Variants in CFAP299 observed in about 807,000 individuals in gnomAD.
The protein encoded by CFAP299 is cilia- and flagella-associated protein 299.
Under a neutral mutation model 27.0 loss-of-function variants are expected in CFAP299, and 21 were observed. The observed-to-expected ratio is 0.78, with a 90% CI of 0.55 to 1.12. The LOEUF is 1.12. Ranked by LOEUF, CFAP299 falls within the 50% of genes most tolerant of loss-of-function variation. The probability of loss-of-function intolerance (pLI) is 0.00; values close to 1 mark genes in which losing one functional copy is unlikely to be tolerated. For missense variants in CFAP299, 310 were observed against 276.6 expected, an observed-to-expected ratio of 1.12 and a Z score of -0.86; for synonymous variants, 104 against 98.1, an observed-to-expected ratio of 1.06 and a Z score of -0.36.
intron 2 of CFAP299, chr4:80,386,345 C>T (rs1388185923): frequency 2.7e-5 from 37 of 1,395,940 alleles, no homozygotes; most frequent in Non-Finnish European, 3.6e-5. Context: ...TGGAAAGCTC[C>T]GCGTTCAGCT....
rs1434016240 is a variant in CFAP299, at chr4:80,634,315, T to C, written c.333+51132T>C. On this transcript the variant is annotated intron_variant, in intron 3 of 5. Transcript: ENST00000358105. The stretch of plus-strand genomic sequence containing the variant: ...TCTTGAGGTAGCACAGCATGGTGGC[T>C]AAGAATGTATGTGCCAGAGCCACAA... 5.3e-5 allele frequency among the ~76,000 whole-genome samples: 8 copies of C among 152,238 alleles called. No individual in the cohort carries two copies. The East Asian group carries it at 1.5e-3, about 29-fold the overall frequency.
chr4:80,912,631 T>C (rs759740115), intron 4 of CFAP299, among the ~76,000 whole-genome samples: 5 of 152,178 alleles, frequency 3.3e-5, no homozygotes, highest in Admixed American at 1.3e-4. Context: ...CCCACGCGTA[T>C]GGCTCAAGCC....
At chr4:80,386,660 T>G in intron 2 of CFAP299, 1 of 1,590,696 alleles carries the variant, frequency 6.3e-7, no homozygotes, top group Non-Finnish European at 8.6e-7. Flanking sequence ...GGCGCGCAGG[T>G]GCTCGGCGAG....
chr4:80,863,383 G>T (rs1448796118), intron 3 of CFAP299, among the ~76,000 whole-genome samples: 1 of 152,084 alleles, frequency 6.6e-6, no homozygotes, highest in Non-Finnish European at 1.5e-5. Context: ...AGCAGCCAAA[G>T]ATCCAAATGA....
intron 4 of CFAP299, among the ~76,000 whole-genome samples, chr4:80,898,844 A>G (rs1234665969): frequency 6.6e-6 from 1 of 152,176 alleles, no homozygotes; most frequent in Non-Finnish European, 1.5e-5. Context: ...AAATAAAAGG[A>G]AGCCAATACT....
At chr4:80,823,768 A>AT (rs1310546511) in intron 3 of CFAP299, among the ~76,000 whole-genome samples, 3 of 152,154 alleles carry the variant, frequency 2.0e-5, no homozygotes, top group African/African-American at 7.2e-5. Context: ...TACTATCCTT[A>AT]TCCCCCTTTT....
At position 80,495,526 on chromosome 4, in the gene CFAP299, G is replaced by A. The variant is rs552420416; in HGVS notation, c.243-87567G>A. Among the ~76,000 whole-genome samples, 33 of 152,028 alleles carry A rather than the reference G, an allele frequency of 2.2e-4. 1 individual carries two copies. Among genetic ancestry groups the A allele is most frequent in the Non-Finnish European group, 2.9e-5 (2 of 68,008 alleles). On this transcript the variant is annotated intron_variant, in intron 2 of 5. Coordinates refer to ENST00000358105, the MANE Select transcript of CFAP299 (RefSeq NM_152770.3). ...TTTATTGTGATAAGTTTATCCGCAG[G>A]TGTAGTGGCTCACACCTATGATCTC...
intron 2 of CFAP299, among the ~76,000 whole-genome samples, chr4:80,545,713 A>G (rs1302966052): frequency 1.3e-5 from 2 of 152,190 alleles, no homozygotes; most frequent in Admixed American, 1.3e-4. Context: ...GCAAAAAATC[A>G]AGGAGGAGGG....
chr4:80,347,181 G>T (rs1722772729), intron 1 of CFAP299, among the ~76,000 whole-genome samples: 1 of 152,024 alleles, frequency 6.6e-6, no homozygotes, highest in Non-Finnish European at 1.5e-5. Flanking sequence ...GGACTGAGAC[G>T]ATGGGGTTTT....
At chr4:80,465,334 G>C (rs1729649568) in intron 2 of CFAP299, among the ~76,000 whole-genome samples, 1 of 152,170 alleles carries the variant, frequency 6.6e-6, no homozygotes, top group African/African-American at 2.4e-5. Flanking sequence ...GCTGGCAGGA[G>C]AGGAGGGTGA....
intron 4 of CFAP299, among the ~76,000 whole-genome samples, chr4:80,891,786 AAAT>A (rs1734300912): frequency 4.0e-5 from 4 of 99,406 alleles, no homozygotes; most frequent in African/African-American, 2.1e-4. Context: ...ATTAAAAAAA[AAAT>A]AAAAAAAAAA....
intron 3 of CFAP299, among the ~76,000 whole-genome samples, chr4:80,642,006 T>TA (rs1739751458): frequency 6.6e-6 from 1 of 152,206 alleles, no homozygotes; most frequent in Non-Finnish European, 1.5e-5. Context: ...GTTTCACAGA[T>TA]ATTTAGGAGT....
intron 2 of CFAP299, among the ~76,000 whole-genome samples, chr4:80,433,157 A>T (rs1193956887): frequency 2.0e-5 from 3 of 150,756 alleles, no homozygotes; most frequent in Non-Finnish European, 4.4e-5. Context: ...ACCTATGAAA[A>T]ACCACAGAGG....
intron 5 of CFAP299, among the ~76,000 whole-genome samples, chr4:80,951,411 C>T (rs1026276282): frequency 3.9e-5 from 6 of 152,202 alleles, no homozygotes; most frequent in African/African-American, 9.6e-5. Flanking sequence ...ATACTCCTGA[C>T]TATTAAGCCC....
chr4:80,742,152 A>G (rs961147754), intron 3 of CFAP299, among the ~76,000 whole-genome samples: 1 of 152,118 alleles, frequency 6.6e-6, no homozygotes, highest in African/African-American at 2.4e-5. Flanking sequence ...AGTTAAAATC[A>G]GGTACTGTTA....
At chr4:80,725,241 C>A (rs1331972912) in intron 3 of CFAP299, among the ~76,000 whole-genome samples, 1 of 149,878 alleles carries the variant, frequency 6.7e-6, no homozygotes, top group Non-Finnish European at 1.5e-5. Flanking sequence ...CAGACAAGAG[C>A]CACCACACCT....
intron 2 of CFAP299, among the ~76,000 whole-genome samples, chr4:80,414,811 GGGAAATTT>G (rs1441339224): frequency 6.6e-6 from 1 of 152,134 alleles, no homozygotes; most frequent in Non-Finnish European, 1.5e-5. Flanking sequence ...AGTTACCTTA[GGGAAATTT>G]CATCTTTCTT....
intron 1 of CFAP299, among the ~76,000 whole-genome samples, chr4:80,354,100 A>G (rs1165768379): frequency 1.3e-5 from 2 of 152,204 alleles, no homozygotes; most frequent in Non-Finnish European, 2.9e-5. Flanking sequence ...AAATGAGCAA[A>G]GGGTTCATTT....
intron 3 of CFAP299, among the ~76,000 whole-genome samples, chr4:80,781,169 A>G (rs1486588879): frequency 6.6e-6 from 1 of 152,032 alleles, no homozygotes; most frequent in Non-Finnish European, 1.5e-5. Context: ...TCCTGTTTTG[A>G]GGTACAAATT....
Sources: allele counts gnomAD v4.1 joint callset (sites outside exome capture counted in the v4.1 genomes callset), GRCh38; gene constraint gnomAD v4.1.1; transcripts MANE v1.5; gene names NCBI Gene and HGNC (gene_info 2026-07-23, HGNC 2026-07-21).